The following DOP1A variants were observed in gnomAD, a reference collection of about 807,000 sequenced individuals.
The protein encoded by DOP1A is protein DOP1A.
In DOP1A, 90 loss-of-function variants were observed where a neutral mutation model predicts 267.6. The ratio of observed to expected loss-of-function variants is 0.34; its 90% CI spans 0.28 to 0.40. The LOEUF is 0.40. Among genes scored for constraint, DOP1A ranks in the 10% least tolerant of loss-of-function variants. DOP1A has a pLI of 1.00. For missense variants in DOP1A, 2,437 were observed against 2,900.4 expected (o/e 0.84, Z 3.67); for synonymous variants, 932 against 999.1 (o/e 0.93, Z 1.27).
At chr6:83,169,671 G>A (rs1169832033), downstream of DOP1A, 1 of 465,172 alleles carries the variant, frequency 2.1e-6, no homozygotes, top group Admixed American at 2.3e-5. Context: ...CATCCATCAT[G>A]GATATTCATT....
chr6:83,170,156 A>T, downstream of DOP1A: 1 of 663,502 alleles, frequency 1.5e-6, no homozygotes, highest in Non-Finnish European at 2.5e-6. Flanking sequence ...ACTGCTGGTG[A>T]AAATAATTTT....
chr6:83,101,301 C>A (rs2128136828), intron 4 of DOP1A, among the ~76,000 whole-genome samples: 1 of 152,318 alleles, frequency 6.6e-6, no homozygotes, highest in East Asian at 1.9e-4. Flanking sequence ...CAGGCATAAG[C>A]CACCGCGCCT....
At chr6:83,142,752 A>T (rs1048963566) in intron 24 of DOP1A, among the ~76,000 whole-genome samples, 13 of 151,302 alleles carry the variant, frequency 8.6e-5, no homozygotes, top group African/African-American at 2.4e-4. Context: ...TAATTCACAA[A>T]TTTTTTTTTC....
chr6:83,122,956 T>G lies in DOP1A; in HGVS notation c.1314T>G (p.Val438=). 6.3e-7 allele frequency: 1 copy of G among 1,585,300 alleles called. No homozygotes were observed. Among genetic ancestry groups the G allele is most frequent in the Non-Finnish European group, 8.5e-7 (1 of 1,169,854 alleles). The change falls in exon 12 of 39, where the codon GTT becomes GTG. Residue 438 remains valine, a synonymous_variant. Coordinates refer to ENST00000349129, the MANE Select transcript of DOP1A (RefSeq NM_015018.4). ...AACCTTATTATATGTGGGATTATGT[T>G]GCACGCTGGTTTGAAGAATGTTGTA... ...SFEPYYMWDY[V]ARWFEECCRR...
chr6:83,159,837 C>T lies in DOP1A; in HGVS notation c.6839C>T (p.Thr2280Ile). 1.2e-6 allele frequency: 2 copies of T among 1,614,172 alleles called. No homozygotes were observed. Among genetic ancestry groups the T allele is most frequent in the African/African-American group, 1.3e-5 (1 of 75,044 alleles). ...PSVAGLETTY[T>I]GGNGFSTSYN... ...GTGGCTGGTCTGGAGACAACGTACA[C>T]AGGAGGTAATGGCTTCTCTACTTCA... is the stretch of plus-strand genomic sequence containing the variant. Residue 2280 changes from threonine (T) to isoleucine (I), a missense_variant, in exon 37 of 39, where the codon ACA becomes ATA. Thr to Ile is a moderately conservative substitution (Grantham distance 89, BLOSUM62 -1). This residue lies in a region of DOP1A where 197 missense variants were observed against 246.5 expected (regional missense o/e 0.80). Transcript: ENST00000349129.
intron 35 of DOP1A, 92 bp downstream of exon 35, chr6:83,157,410 G>T (rs934936552): frequency 1.5e-6 from 2 of 1,338,644 alleles, no homozygotes; most frequent in Non-Finnish European, 2.1e-6. Flanking sequence ...CGAATATTGG[G>T]AGAGAACTGA....
chr6:83,090,620 CTT>C (rs1770179711), intron 1 of DOP1A, among the ~76,000 whole-genome samples: 1 of 152,064 alleles, frequency 6.6e-6, no homozygotes, highest in Non-Finnish European at 1.5e-5. Flanking sequence ...CATTTAGAAA[CTT>C]TTATAGCAAT....
intron 26 of DOP1A, among the ~76,000 whole-genome samples, chr6:83,148,356 G>T (rs1780949045): frequency 6.6e-6 from 1 of 152,190 alleles, no homozygotes; most frequent in East Asian, 1.9e-4. Flanking sequence ...GGAGGCTGCG[G>T]TGAGCCGAGA....
chr6:83,073,057 C>A, intron 1 of DOP1A: 1 of 259,216 alleles, frequency 3.9e-6, no homozygotes, highest in South Asian at 3.7e-5. Context: ...TACAGCATTA[C>A]CACCAAGTAG....
At chr6:83,084,499 A>G (rs2128052391) in intron 1 of DOP1A, among the ~76,000 whole-genome samples, 1 of 152,354 alleles carries the variant, frequency 6.6e-6, no homozygotes, top group African/African-American at 2.4e-5. Flanking sequence ...ATTTTTCTCC[A>G]GCTTGAGATT....
At chr6:83,135,448 C>T (rs1479443912) in intron 19 of DOP1A, among the ~76,000 whole-genome samples, 171 bp from the exon 20 acceptor site, 3 of 150,386 alleles carry the variant, frequency 2.0e-5, no homozygotes, top group South Asian at 2.1e-4. Context: ...TTATACCCAC[C>T]GAGACTATTG....
In DOP1A at chr6:83,168,132, G is replaced by A. The variant is rs1302163554; in HGVS notation, c.7363G>A (p.Glu2455Lys). ...CAGGCAAAAAATAGAAGAGATGGTA[G>A]AAAAAGATTTTCTGGAAGGGATGAT... The part of the protein sequence containing the change: ...KARQKIEEMV[E>K]KDFLEGMIKT Residue 2455 changes from glutamate (E) to lysine (K), a missense_variant, in exon 39 of 39, where the codon GAA becomes AAA. Glu to Lys is a moderately conservative substitution (Grantham distance 56, BLOSUM62 1). Coordinates refer to ENST00000349129, the MANE Select transcript of DOP1A (RefSeq NM_015018.4). 2 of 1,612,712 alleles carry A rather than the reference G, an allele frequency of 1.2e-6. No homozygotes were observed. The highest frequency in any genetic ancestry group is 2.2e-5 in the East Asian group (1 of 44,886).
chr6:83,128,397 A>G (rs1435910751), intron 15 of DOP1A, among the ~76,000 whole-genome samples: 1 of 152,212 alleles, frequency 6.6e-6, no homozygotes, highest in Non-Finnish European at 1.5e-5. Context: ...TGTCTGGCAC[A>G]TGATAGGAGT....
chr6:83,153,705 T>G (rs1454984753), intron 31 of DOP1A, 85 bp downstream of exon 31: 3 of 1,250,378 alleles, frequency 2.4e-6, no homozygotes, highest in Non-Finnish European at 3.3e-6. Context: ...ATTTCTAGAA[T>G]TATCATAAAA....
chr6:83,117,151 T>TTTATA (rs1044185277), intron 7 of DOP1A, among the ~76,000 whole-genome samples: 1 of 150,658 alleles, frequency 6.6e-6, no homozygotes, highest in African/African-American at 2.4e-5. Flanking sequence ...TTTATTTTAT[T>TTTATA]TTATTTTATT....
At chr6:83,101,449 A>G (rs927369616) in intron 4 of DOP1A, among the ~76,000 whole-genome samples, 11 of 152,332 alleles carry the variant, frequency 7.2e-5, no homozygotes, top group African/African-American at 2.4e-4. Context: ...ACTATAGTAC[A>G]TTCTACCTTT....
chr6:83,162,687 T>G (rs1435017760), intron 37 of DOP1A, 103 bp from the exon 38 acceptor site: 2 of 1,323,346 alleles, frequency 1.5e-6, no homozygotes, highest in Middle Eastern at 1.9e-4. Context: ...ATTTGAATTT[T>G]TATAAGCAGT....
chr6:83,159,913 G>A lies in DOP1A; in HGVS notation c.6915G>A (p.Leu2305=). ...TCTATCTCTCTGCTTGCAAATTTTT[G>A]GATTTGGCTCTCGCATTGCCCTCTG... The part of the protein sequence containing the change: ...LNLYLSACKF[L]DLALALPSEN... Residue 2305 remains leucine, a synonymous_variant, in exon 37 of 39, where the codon TTG becomes TTA. Coordinates refer to ENST00000349129, the MANE Select transcript of DOP1A (RefSeq NM_015018.4). 1 of 1,614,036 alleles carries A rather than the reference G, an allele frequency of 6.2e-7. No homozygotes were observed. The highest frequency in any genetic ancestry group is 8.5e-7 in the Non-Finnish European group (1 of 1,180,008).
intron 35 of DOP1A, 99 bp downstream of exon 35, chr6:83,157,417 C>G: frequency 7.7e-7 from 1 of 1,298,888 alleles, no homozygotes; most frequent in Non-Finnish European, 1.1e-6. Flanking sequence ...TGGGAGAGAA[C>G]TGAGCTGTAG....
Sources: allele counts gnomAD v4.1 joint callset (sites outside exome capture counted in the v4.1 genomes callset), GRCh38; gene constraint gnomAD v4.1.1; regional missense constraint gnomAD v4.1.1; transcripts MANE v1.5; gene names NCBI Gene and HGNC (gene_info 2026-07-23, HGNC 2026-07-21).